Variants in STK33 observed in about 807,000 individuals in gnomAD.
STK33 encodes the protein serine/threonine kinase 33.
In STK33, 52 loss-of-function variants were observed where a neutral mutation model predicts 58.0. The ratio of observed to expected loss-of-function variants is 0.90; its 90% CI spans 0.72 to 1.13. STK33 has a LOEUF of 1.13. STK33 is among the 50% of genes most tolerant of loss of function. STK33 has a pLI of 0.00. For synonymous variants in STK33, 215 were observed against 200.1 expected (o/e 1.07, Z -0.63); for missense variants, 630 against 604.2 (o/e 1.04, Z -0.45).
chr11:8,370,547 G>GT, the STK33 span, among the ~76,000 whole-genome samples: 1 of 152,152 alleles, frequency 6.6e-6, no homozygotes, highest in Non-Finnish European at 1.5e-5. Context: ...ACTTAGGGCT[G>GT]TAAGGGAGAA....
chr11:8,483,411 T>C (rs1949979933), intron 1 of STK33, among the ~76,000 whole-genome samples: 1 of 152,084 alleles, frequency 6.6e-6, no homozygotes, highest in Non-Finnish European at 1.5e-5. Flanking sequence ...ATAAGAGTAT[T>C]TTCACTGAAG....
intron 7 of STK33, among the ~76,000 whole-genome samples, chr11:8,462,194 T>C (rs1157612610): frequency 6.6e-6 from 1 of 152,116 alleles, no homozygotes; most frequent in East Asian, 1.9e-4. Context: ...AGCTACAACA[T>C]GGTATCTGTC....
At chr11:8,429,399 A>G (rs530960686) in intron 14 of STK33, among the ~76,000 whole-genome samples, 2 of 152,288 alleles carry the variant, frequency 1.3e-5, no homozygotes, top group Admixed American at 1.3e-4. Flanking sequence ...AATCTACAAA[A>G]CCAGCACTTC....
chr11:8,518,904 A>G (rs1953089779), intron 1 of STK33, among the ~76,000 whole-genome samples: 1 of 152,150 alleles, frequency 6.6e-6, no homozygotes, highest in South Asian at 2.1e-4. Flanking sequence ...AGACTTTAAC[A>G]CCCCACTGTC....
intron 1 of STK33, among the ~76,000 whole-genome samples, chr11:8,508,200 G>T (rs1591538093): frequency 6.6e-6 from 1 of 150,434 alleles, no homozygotes; most frequent in Non-Finnish European, 1.5e-5. Context: ...CAACAAATAG[G>T]TTTTTACATT....
intron 14 of STK33, chr11:8,434,389 A>G (rs1943807407): frequency 6.5e-6 from 1 of 152,806 alleles, no homozygotes; most frequent in South Asian, 2.0e-4. Flanking sequence ...CTCTAGTAAT[A>G]TTCCCATATA....
chr11:8,562,569 T>A (rs1957185743), intron 1 of STK33, among the ~76,000 whole-genome samples: 1 of 152,178 alleles, frequency 6.6e-6, no homozygotes, highest in African/African-American at 2.4e-5. Context: ...TACTCTTAGA[T>A]TCTAGTCCAT....
At chr11:8,540,994 C>CTATATA (rs373430294) in intron 1 of STK33, among the ~76,000 whole-genome samples, 3 of 130,550 alleles carry the variant, frequency 2.3e-5, no homozygotes, top group African/African-American at 8.6e-5. Context: ...CTCTCTCTCT[C>CTATATA]TATATATATA....
intron 1 of STK33, among the ~76,000 whole-genome samples, chr11:8,508,266 CT>C (rs34759366): frequency 0.017 from 1,980 of 114,226 alleles, 18 homozygotes; most frequent in South Asian, 0.057. Context: ...ACCTTCTATT[CT>C]TTTTTTTTTT....
intron 15 of STK33, among the ~76,000 whole-genome samples, chr11:8,396,444 T>C (rs1008253677): frequency 3.3e-5 from 5 of 152,244 alleles, no homozygotes; most frequent in African/African-American, 7.2e-5. Context: ...TAGGATGGCA[T>C]TGTTCAGAAA....
At chr11:8,343,920 C>T in the STK33 span, among the ~76,000 whole-genome samples, 1 of 152,186 alleles carries the variant, frequency 6.6e-6, no homozygotes, top group Non-Finnish European at 1.5e-5. Flanking sequence ...AATCTAATCA[C>T]CAGCTTAGCT....
intron 1 of STK33, among the ~76,000 whole-genome samples, chr11:8,522,615 T>C (rs1953575508): frequency 6.6e-6 from 1 of 152,178 alleles, no homozygotes; most frequent in East Asian, 1.9e-4. Flanking sequence ...CATGATTTAC[T>C]GGATATGACA....
At chr11:8,342,534 G>A in the STK33 span, among the ~76,000 whole-genome samples, 1 of 152,232 alleles carries the variant, frequency 6.6e-6, no homozygotes, top group African/African-American at 2.4e-5. Context: ...ATGCTAGCTA[G>A]GTCCCCTTGA....
At chr11:8,410,567 G>A (rs982442283) in intron 15 of STK33, among the ~76,000 whole-genome samples, 3 of 149,158 alleles carry the variant, frequency 2.0e-5, no homozygotes, top group Non-Finnish European at 4.4e-5. Context: ...CCGCCTCTTG[G>A]GTTCAAGCGA....
At chr11:8,420,432 T>C (rs1053314976) in intron 14 of STK33, among the ~76,000 whole-genome samples, 1 of 152,216 alleles carries the variant, frequency 6.6e-6, no homozygotes, top group Non-Finnish European at 1.5e-5. Context: ...TTAATGAATT[T>C]ACCCTTATTC....
chr11:8,465,109 T>C (rs1035421098), intron 6 of STK33: 2 of 205,888 alleles, frequency 9.7e-6, no homozygotes, highest in African/African-American at 2.3e-5. Flanking sequence ...TTTCAAACTA[T>C]AATATATTAA....
At chr11:8,515,594 A>G (rs1952705266) in intron 1 of STK33, among the ~76,000 whole-genome samples, 1 of 152,200 alleles carries the variant, frequency 6.6e-6, no homozygotes, top group African/African-American at 2.4e-5. Flanking sequence ...ACAAAACACT[A>G]GCAAACTGAA....
intron 12 of STK33, among the ~76,000 whole-genome samples, chr11:8,439,380 G>C (rs1237738318): frequency 6.6e-6 from 1 of 151,876 alleles, no homozygotes; most frequent in Non-Finnish European, 1.5e-5. Flanking sequence ...GAATTCTATT[G>C]GATTTACACA....
intron 1 of STK33, among the ~76,000 whole-genome samples, chr11:8,542,167 T>A (rs79541028): frequency 0.015 from 2,290 of 152,308 alleles, 53 homozygotes; most frequent in African/African-American, 0.05. Context: ...CAGGATGTCA[T>A]AAATGTTACA....
Sources: gnomAD v4.1 joint callset for allele counts (sites outside exome capture counted in the v4.1 genomes callset) on GRCh38, gnomAD v4.1.1 for gene constraint, MANE v1.5 for transcripts, NCBI Gene and HGNC (gene_info 2026-07-23, HGNC 2026-07-21) for gene names.